MYCT1: variants seen among roughly 807,000 people sequenced by gnomAD.
The protein encoded by MYCT1 is myc target protein 1.
A neutral mutation model predicts 15.0 loss-of-function variants in MYCT1; 12 were observed. That is an observed-to-expected ratio of 0.80 (90% confidence interval 0.51 to 1.29). The LOEUF (loss-of-function observed/expected upper bound fraction) is 1.29. MYCT1 is among the 50% of genes most tolerant of loss of function. The pLI is 0.00. For synonymous variants in MYCT1, 104 were observed against 102.7 expected, an observed-to-expected ratio of 1.01 and a Z score of -0.07; for missense variants, 287 against 279.1, an observed-to-expected ratio of 1.03 and a Z score of -0.20.
chr6:152,726,855 G>T (rs1363607542), downstream of MYCT1, among the ~76,000 whole-genome samples: 1 of 152,292 alleles, frequency 6.6e-6, no homozygotes, highest in African/African-American at 2.4e-5. Flanking sequence ...GAATGGTACT[G>T]CCATGCTGAT....
At chr6:152,729,889 G>A in the MYCT1 span, among the ~76,000 whole-genome samples, 39 of 152,208 alleles carry the variant, frequency 2.6e-4, no homozygotes, top group Middle Eastern at 0.02. Flanking sequence ...TTTGGGGTAG[G>A]GATCCAGACA....
the MYCT1 span, among the ~76,000 whole-genome samples, chr6:152,746,814 T>C: frequency 6.6e-6 from 1 of 152,186 alleles, no homozygotes; most frequent in African/African-American, 2.4e-5. Context: ...TGTAATTTGA[T>C]TTGAAGCAAA....
intron 1 of MYCT1, among the ~76,000 whole-genome samples, chr6:152,698,433 A>G (rs1351272438): frequency 1.3e-5 from 2 of 152,094 alleles, no homozygotes; most frequent in Non-Finnish European, 2.9e-5. Context: ...GGTGGAGGTA[A>G]TTCCTGCTTA....
Position 152,697,919 on chromosome 6 carries a change from A to G in MYCT1, c.17A>G (p.Tyr6Cys). MRTQV[Y>C]EGLCKNYFSL... ...TTTCCTTTTATGCGAACACAAGTATATGAGGGGTTGTGTAAAAATTATTTT... is the reference window on the plus strand; with the variant it reads ...TTTCCTTTTATGCGAACACAAGTATGTGAGGGGTTGTGTAAAAATTATTTT... Residue 6 changes from tyrosine to cysteine, a missense_variant, in exon 1 of 2, where the codon TAT becomes TGT. Transcript: ENST00000367245. 1 of 1,590,590 alleles carries G rather than the reference A, an allele frequency of 6.3e-7. No homozygotes were observed. The highest frequency in any genetic ancestry group is 8.5e-7 in the Non-Finnish European group (1 of 1,170,982).
chr6:152,706,815 G>A (rs2099722346), intron 1 of MYCT1, among the ~76,000 whole-genome samples: 1 of 151,438 alleles, frequency 6.6e-6, no homozygotes, highest in Non-Finnish European at 1.5e-5. Flanking sequence ...AAGAGCATCT[G>A]AAATATAACA....
Position 152,723,919 on chromosome 6 carries a change from G to C in MYCT1, c.*1666G>C, listed in dbSNP as rs1483270301. 6.6e-6 allele frequency: 1 copy of C among 152,132 alleles called. No individual in the cohort carries two copies. The highest frequency in any genetic ancestry group is 1.5e-5 in the Non-Finnish European group (1 of 68,034). 9.4% of individuals were successfully genotyped at this position (152,132 alleles called of 1,614,324 possible). A position where few individuals can be genotyped will look rare whatever the true frequency, so the allele number is the denominator to read the frequency against. On this transcript the variant is annotated 3_prime_UTR_variant, in exon 2 of 2. Transcript: ENST00000367245. ...ACCCTCTTTTTCATTTCCTATTGCA[G>C]TGGTCACAGCTAATAGTGTCTGAAC...
rs2099725136 is a variant in MYCT1 at position 152,723,777 on chromosome 6, A to G, written c.*1524A>G. The G allele has an allele frequency of 6.6e-6, 1 of 152,182 alleles. No individual in the cohort carries two copies. The highest frequency in any genetic ancestry group is 1.5e-5 in the Non-Finnish European group (1 of 68,040). 9.4% of individuals were successfully genotyped at this position (152,182 alleles called of 1,614,324 possible). On this transcript the variant is annotated 3_prime_UTR_variant, in exon 2 of 2. Coordinates refer to ENST00000367245, the MANE Select transcript of MYCT1 (RefSeq NM_025107.3). ...GTGGCTGCCCTTCTCATTTAAGGAC[A>G]TGAGTTCACTGGAGTATTACTCAAA...
chr6:152,719,859 T>C (rs2099724377), intron 1 of MYCT1, among the ~76,000 whole-genome samples: 1 of 152,178 alleles, frequency 6.6e-6, no homozygotes, highest in Admixed American at 6.5e-5. Flanking sequence ...ATATGTATAA[T>C]GAAATCAGTG....
rs961581465 is a variant in MYCT1 at position 152,722,111 on chromosome 6, C to T, written c.566C>T (p.Ser189Phe). 1 of 1,614,050 alleles carries T rather than the reference C, an allele frequency of 6.2e-7. No individual in the cohort carries two copies. Among genetic ancestry groups the T allele is most frequent in the African/African-American group, 1.3e-5 (1 of 74,908 alleles). Residue 189 changes from serine to phenylalanine, a missense_variant, in exon 2 of 2, where the codon TCT becomes TTT. Transcript: ENST00000367245. Reference sequence around the variant, plus strand: ...GAGAGTCAGCTGGTGACTCTCCCTTCTTCCAATATCTCTCCCACCATCAGC... The same window carrying T: ...GAGAGTCAGCTGGTGACTCTCCCTTTTTCCAATATCTCTCCCACCATCAGC... ...ETESQLVTLP[S>F]SNISPTISTS...
At chr6:152,720,039 A>G (rs149354818) in intron 1 of MYCT1, among the ~76,000 whole-genome samples, 3 of 152,084 alleles carry the variant, frequency 2.0e-5, no homozygotes, top group Non-Finnish European at 4.4e-5. Context: ...TTTGAGATGA[A>G]ATCAGCTTGG....
In MYCT1 at chr6:152,724,299, A is replaced by G. The variant is rs982366184; in HGVS notation, c.*2046A>G. 1 of 149,272 alleles carries G rather than the reference A, an allele frequency of 6.7e-6. No homozygotes were observed. 9.2% of individuals were successfully genotyped at this position (149,272 alleles called of 1,614,324 possible). Reference sequence around the variant, plus strand: ...CTAACATGAAAAATCAGCAAAGAGTATGGTTTTTATCAAGAATTTGTGTTG... The same window carrying G: ...CTAACATGAAAAATCAGCAAAGAGTGTGGTTTTTATCAAGAATTTGTGTTG... On this transcript the variant is annotated 3_prime_UTR_variant, in exon 2 of 2. Coordinates refer to ENST00000367245, the MANE Select transcript of MYCT1 (RefSeq NM_025107.3).
the MYCT1 span, among the ~76,000 whole-genome samples, chr6:152,733,086 T>C: frequency 1.3e-5 from 2 of 152,246 alleles, no homozygotes; most frequent in East Asian, 1.9e-4. Context: ...TTTTGTTTGC[T>C]TGTTCTTTTG....
chr6:152,736,960 A>G, the MYCT1 span, among the ~76,000 whole-genome samples: 2 of 152,130 alleles, frequency 1.3e-5, no homozygotes, highest in African/African-American at 4.8e-5. Flanking sequence ...CTTAACAGAA[A>G]ATGATGTTGT....
rs1159680321 is a variant in MYCT1 at position 152,697,940 on chromosome 6, A to G, written c.38A>G (p.Tyr13Cys). ...TQVYEGLCKN[Y>C]FSLAVLQRDR... ...GTATATGAGGGGTTGTGTAAAAATT[A>G]TTTTTCTCTTGCTGTACTACAAAGA... Residue 13 changes from tyrosine (Y) to cysteine (C), a missense_variant, in exon 1 of 2, where the codon TAT becomes TGT. Tyr to Cys is a radical substitution (Grantham distance 194). Coordinates refer to ENST00000367245, the MANE Select transcript of MYCT1 (RefSeq NM_025107.3). 6.2e-7 allele frequency: 1 copy of G among 1,600,174 alleles called. No homozygotes were observed. Among genetic ancestry groups the G allele is most frequent in the Admixed American group, 1.8e-5 (1 of 57,008 alleles).
the MYCT1 span, among the ~76,000 whole-genome samples, chr6:152,740,286 G>A: frequency 2.6e-5 from 4 of 152,042 alleles, no homozygotes; most frequent in Non-Finnish European, 5.9e-5. Flanking sequence ...CCAACCTCAG[G>A]GCATTGGCCC....
the MYCT1 span, among the ~76,000 whole-genome samples, chr6:152,739,744 C>A: frequency 6.6e-6 from 1 of 152,020 alleles, no homozygotes; most frequent in South Asian, 2.1e-4. Flanking sequence ...ACTTCCTTTG[C>A]AATTTTTAAT....
downstream of MYCT1, among the ~76,000 whole-genome samples, chr6:152,725,880 C>A (rs747836513): frequency 3.3e-5 from 5 of 151,890 alleles, no homozygotes; most frequent in African/African-American, 7.3e-5. Flanking sequence ...TGTGAGTAAC[C>A]GACCGAACTA....
chr6:152,742,923 A>T, the MYCT1 span, among the ~76,000 whole-genome samples: 1 of 152,204 alleles, frequency 6.6e-6, no homozygotes, highest in Non-Finnish European at 1.5e-5. Context: ...AATGCCAAGA[A>T]TAGTCCTTGT....
Position 152,724,505 on chromosome 6 carries a change from T to C in MYCT1, c.*2252T>C, listed in dbSNP as rs1462953905. On this transcript the variant is annotated 3_prime_UTR_variant, in exon 2 of 2. Coordinates refer to ENST00000367245, the MANE Select transcript of MYCT1 (RefSeq NM_025107.3). ...TGAAATTAAAGCAAAAACTGGAGAC[T>C]TTTAATGTATTTCTTTAATTTGAAA... 2.0e-5 allele frequency: 3 copies of C among 152,168 alleles called. No individual in the cohort carries two copies. The highest frequency in any genetic ancestry group is 7.2e-5 in the African/African-American group (3 of 41,442). 9.4% of individuals were successfully genotyped at this position (152,168 alleles called of 1,614,324 possible).
Sources: gnomAD v4.1 joint callset for allele counts (sites outside exome capture counted in the v4.1 genomes callset) on GRCh38, gnomAD v4.1.1 for gene constraint, MANE v1.5 for transcripts, NCBI Gene and HGNC (gene_info 2026-07-23, HGNC 2026-07-21) for gene names.